LIMA1: variants seen among roughly 807,000 people sequenced by gnomAD.
LIMA1 encodes LIM domain and actin binding 1.
A neutral mutation model predicts 62.6 loss-of-function variants in LIMA1; 52 were observed. The ratio of observed to expected loss-of-function variants is 0.83; its 90% CI spans 0.67 to 1.05. The LOEUF (loss-of-function observed/expected upper bound fraction) is 1.05. LIMA1 is among the 50% of genes least tolerant of loss of function. The pLI is 0.00. For synonymous variants in LIMA1, 302 were observed against 317.8 expected (o/e 0.95, Z 0.53); for missense variants, 780 against 902.2 (o/e 0.86, Z 1.74).
intron 1 of LIMA1, among the ~76,000 whole-genome samples, chr12:50,274,254 TTTGGCAGTATTC>T (rs1565866392): frequency 6.6e-6 from 1 of 152,046 alleles, no homozygotes; most frequent in Non-Finnish European, 1.5e-5. Context: ...TTACCAAGTC[TTTGGCAGTATTC>T]CAAGTGCTGA....
At chr12:50,276,803 G>A (rs1592574225) in intron 1 of LIMA1, among the ~76,000 whole-genome samples, 1 of 151,976 alleles carries the variant, frequency 6.6e-6, no homozygotes, top group Non-Finnish European at 1.5e-5. Context: ...CCTGGAGGAG[G>A]AGGCTAGAGT....
At chr12:50,272,212 C>A (rs1014763897) in intron 1 of LIMA1, among the ~76,000 whole-genome samples, 14 of 151,934 alleles carry the variant, frequency 9.2e-5, no homozygotes, top group Non-Finnish European at 2.1e-4. Context: ...TCAGTTTAAC[C>A]AATACCTTCA....
intron 5 of LIMA1, 126 bp from the exon 6 acceptor site, chr12:50,204,826 C>G: frequency 2.4e-6 from 2 of 827,696 alleles, no homozygotes; most frequent in Non-Finnish European, 1.9e-6. Flanking sequence ...CTCAAGATAT[C>G]CTCCCGCCTC....
At chr12:50,182,119 T>G in intron 9 of LIMA1, 82 bp from the exon 10 acceptor site, 1 of 1,489,760 alleles carries the variant, frequency 6.7e-7, no homozygotes, top group Non-Finnish European at 9.2e-7. Context: ...ATTTACTTTG[T>G]CTAAGGGCTC....
chr12:50,178,968 T>A (rs7954931), intron 10 of LIMA1, among the ~76,000 whole-genome samples: 6,682 of 92,760 alleles, frequency 0.072, 230 homozygotes, highest in African/African-American at 0.15. Flanking sequence ...ATATATATAT[T>A]TTTTTTTTCT....
At chr12:50,245,589 C>CT (rs139426723) in intron 2 of LIMA1, among the ~76,000 whole-genome samples, 36 of 148,550 alleles carry the variant, frequency 2.4e-4, no homozygotes, top group Admixed American at 6.7e-4. Context: ...TCCCCTATCA[C>CT]TTTTTTTTTT....
chr12:50,251,183 CTG>C (rs1320793223), intron 1 of LIMA1, among the ~76,000 whole-genome samples: 1 of 151,990 alleles, frequency 6.6e-6, no homozygotes, highest in Non-Finnish European at 1.5e-5. Flanking sequence ...TTTTTAAACT[CTG>C]TAAGGCAAGT....
intron 6 of LIMA1, chr12:50,201,365 G>T: frequency 1.0e-6 from 1 of 984,098 alleles, no homozygotes; most frequent in Non-Finnish European, 1.2e-6. Context: ...TATAAAAACT[G>T]AAATTATATT....
chr12:50,204,706 A>G lies in LIMA1; in HGVS notation c.716-6T>C. On this transcript the variant is annotated splice_region_variant and splice_polypyrimidine_tract_variant and intron_variant, in intron 5 of 10. Transcript: ENST00000341247. ...TGTAGAAGATGACAACTGACCTGGA[A>G]GCATCCAAATAACATGTTTTATTTT... The G allele has an allele frequency of 6.2e-7, 1 of 1,613,956 alleles. No homozygotes were observed. The highest frequency in any genetic ancestry group is 8.5e-7 in the Non-Finnish European group (1 of 1,179,908).
intron 1 of LIMA1, chr12:50,249,875 C>T (rs1366104533): frequency 1.3e-5 from 2 of 152,088 alleles, no homozygotes; most frequent in East Asian, 1.9e-4. Context: ...TCTTGGCAAC[C>T]GAAGAGCATA....
intron 8 of LIMA1, chr12:50,195,583 G>A (rs370667304): frequency 1.1e-5 from 4 of 353,882 alleles, no homozygotes; most frequent in South Asian, 2.7e-4. Context: ...GGTGCAAAAA[G>A]TAGGATGAAT....
Position 50,265,351 on chromosome 12 carries a change from T to C in LIMA1, c.-23-16577A>G, listed in dbSNP as rs1014710513. Among the ~76,000 whole-genome samples the C allele has an allele frequency of 6.6e-5, 10 of 151,686 alleles. No individual in the cohort carries two copies. The East Asian group carries it at 1.7e-3, about 26-fold the overall frequency. The stretch of plus-strand genomic sequence containing the variant: ...GTCTGACCAACATGGAGAAACCCCA[T>C]CTCTACTAAAAATACAAAATTAGCC... On this transcript the variant is annotated intron_variant, in intron 1 of 10. Transcript: ENST00000341247.
intron 4 of LIMA1, among the ~76,000 whole-genome samples, chr12:50,213,849 C>T (rs151218103): frequency 9.2e-5 from 14 of 152,162 alleles, no homozygotes; most frequent in African/African-American, 3.1e-4. Flanking sequence ...ATATGTTTTA[C>T]TATAATGAAA....
At chr12:50,275,212 A>C (rs889433060) in intron 1 of LIMA1, among the ~76,000 whole-genome samples, 21 of 151,900 alleles carry the variant, frequency 1.4e-4, no homozygotes, top group Admixed American at 5.2e-4. Context: ...CAAAAAAAAA[A>C]CAAAATTAGC....
intron 2 of LIMA1, among the ~76,000 whole-genome samples, chr12:50,242,451 A>G (rs1210866494): frequency 2.0e-5 from 3 of 151,776 alleles, no homozygotes; most frequent in African/African-American, 7.3e-5. Flanking sequence ...GAGCTTCTGG[A>G]CTCAAGTGAT....
At chr12:50,244,220 C>A (rs541018534) in intron 2 of LIMA1, among the ~76,000 whole-genome samples, 2 of 152,360 alleles carry the variant, frequency 1.3e-5, no homozygotes, top group South Asian at 4.1e-4. Context: ...TCTCCTGCCT[C>A]AGCCTCCCGA....
intron 1 of LIMA1, among the ~76,000 whole-genome samples, chr12:50,274,313 C>T (rs1023582792): frequency 7.9e-5 from 12 of 152,176 alleles, no homozygotes; most frequent in East Asian, 1.9e-4. Flanking sequence ...AGGCCGAGCG[C>T]GATGGCTCAC....
At chr12:50,217,952 T>G (rs1941375158) in intron 4 of LIMA1, 1 of 156,602 alleles carries the variant, frequency 6.4e-6, no homozygotes, top group African/African-American at 2.5e-5. Flanking sequence ...TTGCCCAGGC[T>G]GGAGTGCAGT....
chr12:50,237,143 G>T (rs1181658261), intron 2 of LIMA1, among the ~76,000 whole-genome samples: 1 of 152,148 alleles, frequency 6.6e-6, no homozygotes, highest in Non-Finnish European at 1.5e-5. Context: ...ACTAAAAAAA[G>T]ATTTTAATAT....
Sources: allele counts gnomAD v4.1 joint callset (sites outside exome capture counted in the v4.1 genomes callset), GRCh38; gene constraint gnomAD v4.1.1; transcripts MANE v1.5; gene names NCBI Gene and HGNC (gene_info 2026-07-23, HGNC 2026-07-21).